KIAA0513: variants seen among roughly 807,000 people sequenced by gnomAD.
KIAA0513 encodes the protein KIAA0513.
Under a neutral mutation model 56.5 loss-of-function variants are expected in KIAA0513, and 39 were observed. That is an observed-to-expected ratio of 0.69 (90% confidence interval 0.53 to 0.90). The LOEUF is 0.90. Among genes scored for constraint, KIAA0513 ranks in the 40% least tolerant of loss-of-function variants. The pLI is 0.00. For synonymous variants in KIAA0513, 268 were observed against 215.6 expected, an observed-to-expected ratio of 1.24 and a Z score of -2.13; for missense variants, 591 against 535.2, an observed-to-expected ratio of 1.10 and a Z score of -1.03.
chr16:85,078,927 A>T lies in KIAA0513; in HGVS notation c.826A>T (p.Thr276Ser). The change falls in exon 8 of 13, where the codon ACC (threonine) becomes TCC (serine). Residue 276 changes from threonine (T) to serine (S), a missense_variant and splice_region_variant. Transcript: ENST00000683363. ...AGCCATTCTCTCTCCTCCCACAGTG[A>T]CCGCGTACAGCCCCGAGGACGAAAA... ...KPQEKRPRAV[T>S]AYSPEDEKKG... is the part of the protein sequence containing the mutation. 1 of 1,614,132 alleles carries T rather than the reference A, an allele frequency of 6.2e-7. No individual in the cohort carries two copies. Among genetic ancestry groups the T allele is most frequent in the Non-Finnish European group, 8.5e-7 (1 of 1,180,016 alleles).
intron 12 of KIAA0513, among the ~76,000 whole-genome samples, chr16:85,087,771 A>G (rs2073826604): frequency 1.3e-5 from 2 of 152,210 alleles, no homozygotes. Flanking sequence ...TATTCTTTAG[A>G]GAATCCCATT....
At chr16:85,072,809 C>G in intron 3 of KIAA0513, 116 bp from the exon 4 acceptor site, 3 of 1,019,510 alleles carry the variant, frequency 2.9e-6, no homozygotes, top group Non-Finnish European at 4.6e-6. Context: ...AGCAGACATC[C>G]TGGGCCCCCA....
At chr16:85,058,832 A>G (rs2073365523) in intron 1 of KIAA0513, among the ~76,000 whole-genome samples, 1 of 152,228 alleles carries the variant, frequency 6.6e-6, no homozygotes, top group African/African-American at 2.4e-5. Flanking sequence ...CAGTATCTGC[A>G]GAAAGCTACT....
At chr16:85,073,894 A>G (rs1301901505) in intron 4 of KIAA0513, among the ~76,000 whole-genome samples, 1 of 152,068 alleles carries the variant, frequency 6.6e-6, no homozygotes, top group Non-Finnish European at 1.5e-5. Context: ...CCTGAAAAAT[A>G]TCCCTCCTTT....
intron 1 of KIAA0513, among the ~76,000 whole-genome samples, chr16:85,044,416 C>G (rs943179287): frequency 2.4e-4 from 37 of 152,170 alleles, no homozygotes; most frequent in African/African-American, 8.7e-4. Context: ...ACAATGTTTC[C>G]TTTCTTGGGG....
intron 1 of KIAA0513, among the ~76,000 whole-genome samples, chr16:85,047,291 C>T (rs902743996): frequency 6.6e-6 from 1 of 152,212 alleles, no homozygotes; most frequent in African/African-American, 2.4e-5. Context: ...ATATGCCTCG[C>T]TCAGGGCTGA....
intron 1 of KIAA0513, among the ~76,000 whole-genome samples, chr16:85,056,721 G>A (rs2073335766): frequency 6.6e-6 from 1 of 152,168 alleles, no homozygotes; most frequent in Non-Finnish European, 1.5e-5. Flanking sequence ...TTGTTTTGAG[G>A]TGGGGTCTCA....
chr16:85,034,577 A>G (rs887652874), intron 1 of KIAA0513, among the ~76,000 whole-genome samples: 21 of 152,170 alleles, frequency 1.4e-4, no homozygotes, highest in African/African-American at 4.1e-4. Context: ...TGCCCTGTCC[A>G]GGGCAAGTAC....
intron 1 of KIAA0513, among the ~76,000 whole-genome samples, chr16:85,036,457 T>A (rs1345600467): frequency 6.6e-6 from 1 of 152,200 alleles, no homozygotes; most frequent in African/African-American, 2.4e-5. Flanking sequence ...TAGATTCATT[T>A]TTAGTTCATT....
chr16:85,049,442 C>T (rs2073217258), intron 1 of KIAA0513, among the ~76,000 whole-genome samples: 1 of 152,218 alleles, frequency 6.6e-6, no homozygotes, highest in South Asian at 2.1e-4. Context: ...ACCCAATCTC[C>T]TGTCGAATTG....
chr16:85,081,342 C>G lies in KIAA0513; in HGVS notation c.930C>G (p.Ala310=), dbSNP rs756528682. Reference sequence around the variant, plus strand: ...ACACTCTGAGGTTCTGGAATGCAGCCTTTTTTGACGCTGTCCATTGTGAGA... The same window carrying G: ...ACACTCTGAGGTTCTGGAATGCAGCGTTTTTTGACGCTGTCCATTGTGAGA... ...IWHTLRFWNA[A]FFDAVHCERT... Residue 310 remains alanine, a synonymous_variant, in exon 9 of 13, where the codon GCC becomes GCG. Coordinates refer to ENST00000683363, the MANE Select transcript of KIAA0513 (RefSeq NM_001388359.1). This position sits in a 1 kb window ranked among gnomAD's most constrained non-coding sequence, Gnocchi z 4.4. 2 of 1,605,508 alleles carry G rather than the reference C, an allele frequency of 1.2e-6. No individual in the cohort carries two copies. The highest frequency in any genetic ancestry group is 1.7e-6 in the Non-Finnish European group (2 of 1,176,024).
chr16:85,045,517 A>G (rs1463600900), intron 1 of KIAA0513, among the ~76,000 whole-genome samples: 2 of 152,046 alleles, frequency 1.3e-5, no homozygotes, highest in Non-Finnish European at 2.9e-5. Context: ...CATCATGCCC[A>G]GCTAATTTTT....
chr16:85,034,129 A>G (rs180721778), intron 1 of KIAA0513, among the ~76,000 whole-genome samples: 191 of 152,284 alleles, frequency 1.3e-3, no homozygotes, highest in Non-Finnish European at 2.3e-3. Context: ...CTGTAATCCC[A>G]GCACTTTGGG....
intron 8 of KIAA0513, among the ~76,000 whole-genome samples, chr16:85,080,002 C>A (rs887838867): frequency 4.6e-5 from 7 of 152,208 alleles, no homozygotes; most frequent in African/African-American, 1.7e-4. Flanking sequence ...GACGGGCCCT[C>A]CCTCCCCTGA....
intron 9 of KIAA0513, 48 bp from the exon 10 acceptor site, chr16:85,082,516 A>G (rs759173588): frequency 6.2e-7 from 1 of 1,601,496 alleles, no homozygotes. Flanking sequence ...CATATCTTGC[A>G]TGACTTTGAC....
rs1288429612 is a variant in KIAA0513 at position 85,061,998 on chromosome 16, C to T, written c.-172-4902C>T. 3.9e-5 allele frequency among the ~76,000 whole-genome samples: 6 copies of T among 152,108 alleles called. No homozygotes were observed. In the East Asian group the frequency reaches 1.2e-3, roughly 29 times the overall value. On this transcript the variant is annotated intron_variant, in intron 1 of 12. Transcript: ENST00000683363. ...TTCATGTTCCCTCTGCCTGGGTCAC[C>T]TTCAAGCCTTTTCAATGCTGGTTCT...
chr16:85,078,487 C>T, intron 7 of KIAA0513, 32 bp downstream of exon 7: 1 of 1,606,418 alleles, frequency 6.2e-7, no homozygotes, highest in Non-Finnish European at 8.5e-7. Flanking sequence ...CAGGAGACGC[C>T]CAGCCCACAG....
intron 6 of KIAA0513, among the ~76,000 whole-genome samples, 181 bp downstream of exon 6, chr16:85,077,813 T>A (rs931215385): frequency 2.0e-5 from 3 of 152,066 alleles, no homozygotes; most frequent in African/African-American, 7.2e-5. Context: ...CCCCCCCCAC[T>A]GACATGCAGG....
At chr16:85,041,374 G>A (rs1372155177) in intron 1 of KIAA0513, among the ~76,000 whole-genome samples, 1 of 152,112 alleles carries the variant, frequency 6.6e-6, no homozygotes, top group Admixed American at 6.6e-5. Flanking sequence ...CTTGAAAACC[G>A]CCCCAGGCAG....
Sources: allele counts gnomAD v4.1 joint callset (sites outside exome capture counted in the v4.1 genomes callset), GRCh38; gene constraint gnomAD v4.1.1; non-coding constraint Gnocchi (gnomAD v3.1); transcripts MANE v1.5; gene names NCBI Gene and HGNC (gene_info 2026-07-23, HGNC 2026-07-21).